The following NREP variants were observed in gnomAD, a reference collection of about 807,000 sequenced individuals.
NREP encodes neuronal regeneration-related protein.
In NREP, 5 loss-of-function variants were observed where a neutral mutation model predicts 8.6. The ratio of observed to expected loss-of-function variants is 0.58; its 90% CI spans 0.30 to 1.22. The LOEUF is 1.22. Among genes scored for constraint, NREP ranks in the 50% most tolerant of loss-of-function variants. The probability of loss-of-function intolerance (pLI) is 0.07; values close to 1 mark genes in which losing one functional copy is unlikely to be tolerated. For missense variants in NREP, 86 were observed against 82.5 expected (o/e 1.04, Z -0.17); for synonymous variants, 27 against 28.0 (o/e 0.96, Z 0.11).
chr5:111,949,265 G>C (rs143724309), intron 2 of NREP, among the ~76,000 whole-genome samples: 1 of 152,010 alleles, frequency 6.6e-6, no homozygotes, highest in African/African-American at 2.4e-5. Context: ...CATTGAATGA[G>C]ACAAAGAGTT....
chr5:111,733,570 T>A (rs1748814732), intron 3 of NREP: 1 of 151,796 alleles, frequency 6.6e-6, no homozygotes, highest in Admixed American at 6.6e-5. Context: ...CTGCAACAAG[T>A]GGAGGAGGCA....
At chr5:111,838,777 A>G (rs904231799) in intron 2 of NREP, among the ~76,000 whole-genome samples, 2 of 152,026 alleles carry the variant, frequency 1.3e-5, no homozygotes, top group Admixed American at 1.3e-4. Context: ...TATAATCTAT[A>G]TGACCCATAT....
intron 2 of NREP, among the ~76,000 whole-genome samples, chr5:111,736,664 G>A (rs1415402083): frequency 2.0e-5 from 3 of 152,062 alleles, no homozygotes; most frequent in African/African-American, 7.2e-5. Flanking sequence ...TTCACTCTTC[G>A]GAATAATTGA....
chr5:111,958,314 T>A (rs1756385228), intron 2 of NREP, among the ~76,000 whole-genome samples: 1 of 151,840 alleles, frequency 6.6e-6, no homozygotes, highest in African/African-American at 2.4e-5. Context: ...AGAAAAAAAA[T>A]TGGACATAAA....
intron 2 of NREP, among the ~76,000 whole-genome samples, chr5:111,819,142 T>G (rs1163290640): frequency 6.6e-6 from 1 of 152,164 alleles, no homozygotes; most frequent in Non-Finnish European, 1.5e-5. Flanking sequence ...TCCCACCAGT[T>G]CTAATCAGTA....
At chr5:111,896,237 A>G (rs1561715902) in intron 2 of NREP, among the ~76,000 whole-genome samples, 1 of 152,206 alleles carries the variant, frequency 6.6e-6, no homozygotes, top group Non-Finnish European at 1.5e-5. Flanking sequence ...AATCAAAGTG[A>G]TAAGAATAGA....
At chr5:111,780,684 C>A (rs1454897604) in intron 2 of NREP, among the ~76,000 whole-genome samples, 1 of 152,132 alleles carries the variant, frequency 6.6e-6, no homozygotes, top group Non-Finnish European at 1.5e-5. Flanking sequence ...CACAGTTAGA[C>A]AATTCACTAA....
chr5:111,870,211 C>T (rs1006396905), intron 2 of NREP, among the ~76,000 whole-genome samples: 3 of 152,192 alleles, frequency 2.0e-5, no homozygotes, highest in Non-Finnish European at 2.9e-5. Flanking sequence ...AGGCAGATCC[C>T]TTGAGGTCAG....
intron 2 of NREP, among the ~76,000 whole-genome samples, chr5:111,827,149 T>G (rs1752648725): frequency 6.6e-6 from 1 of 152,168 alleles, no homozygotes; most frequent in African/African-American, 2.4e-5. Context: ...GGAAAAATGT[T>G]GAGATTGATC....
intron 2 of NREP, among the ~76,000 whole-genome samples, chr5:111,744,093 C>T (rs1209356523): frequency 2.6e-5 from 4 of 152,054 alleles, no homozygotes; most frequent in Admixed American, 2.6e-4. Context: ...CAAAGCATTC[C>T]TCTTGTTGAC....
At chr5:111,911,838 A>G (rs938199170) in intron 2 of NREP, among the ~76,000 whole-genome samples, 3 of 152,086 alleles carry the variant, frequency 2.0e-5, no homozygotes, top group Non-Finnish European at 4.4e-5. Context: ...CTCATTGCCT[A>G]CCTACTATGT....
At chr5:111,966,816 A>C (rs1756655383) in intron 2 of NREP, among the ~76,000 whole-genome samples, 1 of 152,204 alleles carries the variant, frequency 6.6e-6, no homozygotes, top group Non-Finnish European at 1.5e-5. Context: ...CCATTTTTCC[A>C]ATCTGTTTTT....
intron 2 of NREP, among the ~76,000 whole-genome samples, chr5:111,879,427 A>G (rs527559836): frequency 6.6e-6 from 1 of 152,338 alleles, no homozygotes; most frequent in East Asian, 1.9e-4. Context: ...ATATAAGCAA[A>G]ATTGCAGTAT....
In NREP at chr5:111,899,656, T is replaced by C. The variant is rs115432593; in HGVS notation, c.135+75618A>G. Among the ~76,000 whole-genome samples, 1,237 of 152,342 alleles carry C rather than the reference T, an allele frequency of 8.1e-3. 19 individuals are homozygous for C. The highest frequency in any genetic ancestry group is 0.028 in the African/African-American group (1,173 of 41,584). On this transcript the variant is annotated intron_variant, in intron 2 of 3. Transcript: ENST00000395634. ...AATTAAAAGATATAGACTGGTTGAA[T>C]TGATTTTTTTAAGACCTAACCATAT...
chr5:111,786,661 G>T (rs1473658935), intron 2 of NREP, among the ~76,000 whole-genome samples: 2 of 152,050 alleles, frequency 1.3e-5, no homozygotes, highest in East Asian at 1.9e-4. Flanking sequence ...TTAAAATTTA[G>T]CATGAAATAA....
At chr5:111,892,265 T>C (rs916841849) in intron 2 of NREP, among the ~76,000 whole-genome samples, 1 of 152,152 alleles carries the variant, frequency 6.6e-6, no homozygotes, top group Admixed American at 6.5e-5. Flanking sequence ...AAACAAATCA[T>C]ACAATAGAGG....
chr5:111,963,403 C>T (rs975472545), intron 2 of NREP, among the ~76,000 whole-genome samples: 4 of 152,160 alleles, frequency 2.6e-5, no homozygotes, highest in African/African-American at 7.2e-5. Flanking sequence ...AGGCCTTAGA[C>T]CAAAATATAA....
intron 2 of NREP, among the ~76,000 whole-genome samples, chr5:111,784,486 C>T (rs149458340): frequency 1.6e-3 from 237 of 152,266 alleles, no homozygotes; most frequent in Non-Finnish European, 2.6e-3. Flanking sequence ...TACATGTATG[C>T]TACACTTTCT....
chr5:111,863,679 GTACTT>G (rs1753602133), intron 2 of NREP, among the ~76,000 whole-genome samples: 1 of 152,110 alleles, frequency 6.6e-6, no homozygotes, highest in Non-Finnish European at 1.5e-5. Context: ...GGTAAAGTAA[GTACTT>G]TAATAAGCAA....
Sources: gnomAD v4.1 joint callset for allele counts (sites outside exome capture counted in the v4.1 genomes callset) on GRCh38, gnomAD v4.1.1 for gene constraint, MANE v1.5 for transcripts, NCBI Gene and HGNC (gene_info 2026-07-23, HGNC 2026-07-21) for gene names.